Variants in GRID2 observed in about 807,000 individuals in gnomAD.
The protein encoded by GRID2 is glutamate receptor ionotropic, delta-2.
A neutral mutation model predicts 114.8 loss-of-function variants in GRID2; 33 were observed. The observed-to-expected ratio is 0.29, with a 90% CI of 0.22 to 0.38. The LOEUF (loss-of-function observed/expected upper bound fraction) is 0.38, where lower values mean the gene tolerates loss of function less well. GRID2 is among the 10% of genes least tolerant of loss of function. The probability of loss-of-function intolerance (pLI) is 1.00; values close to 1 mark genes in which losing one functional copy is unlikely to be tolerated. For missense variants in GRID2, 1,184 were observed against 1,257.7 expected (o/e 0.94, Z 0.89); for synonymous variants, 505 against 449.9 (o/e 1.12, Z -1.55).
chr4:92,759,773 T>C (rs1285253770), intron 2 of GRID2, among the ~76,000 whole-genome samples: 3 of 151,396 alleles, frequency 2.0e-5, no homozygotes, highest in South Asian at 2.1e-4. Context: ...CGGGCTTTTT[T>C]TTCTTCTTCT....
intron 14 of GRID2, among the ~76,000 whole-genome samples, chr4:93,661,142 C>A (rs568450862): frequency 6.6e-6 from 1 of 152,136 alleles, no homozygotes; most frequent in African/African-American, 2.4e-5. Context: ...TCATTATTCA[C>A]GATTCTGCAT....
At chr4:93,729,939 C>T (rs892515751) in intron 14 of GRID2, among the ~76,000 whole-genome samples, 1 of 152,150 alleles carries the variant, frequency 6.6e-6, no homozygotes, top group African/African-American at 2.4e-5. Context: ...AGCAGAGAGA[C>T]TGTGCTTTCT....
intron 1 of GRID2, among the ~76,000 whole-genome samples, chr4:92,477,653 A>G (rs1436880694): frequency 1.3e-5 from 2 of 151,080 alleles, no homozygotes; most frequent in African/African-American, 2.4e-5. Context: ...GTTTTAATAT[A>G]TATATATTTT....
chr4:93,103,333 TC>T (rs921580661), intron 3 of GRID2, among the ~76,000 whole-genome samples: 1 of 152,062 alleles, frequency 6.6e-6, no homozygotes, highest in Admixed American at 6.6e-5. Flanking sequence ...TGATAGCCTC[TC>T]TAGTCTCCAA....
intron 8 of GRID2, among the ~76,000 whole-genome samples, chr4:93,350,661 T>C (rs1480910611): frequency 1.3e-5 from 2 of 151,960 alleles, no homozygotes; most frequent in African/African-American, 4.8e-5. Context: ...TAACATATAA[T>C]TTAATTTTCA....
chr4:92,933,895 G>A (rs1750432236), intron 2 of GRID2, among the ~76,000 whole-genome samples: 1 of 151,564 alleles, frequency 6.6e-6, no homozygotes, highest in South Asian at 2.1e-4. Flanking sequence ...TTTGTAAAAG[G>A]GAGGAATATC....
At chr4:93,689,663 A>G (rs1339837989) in intron 14 of GRID2, among the ~76,000 whole-genome samples, 2 of 152,060 alleles carry the variant, frequency 1.3e-5, no homozygotes, top group African/African-American at 4.8e-5. Flanking sequence ...AGACTCAAGC[A>G]TTGGTAACAA....
chr4:92,470,332 CAG>C (rs1721973777), intron 1 of GRID2, among the ~76,000 whole-genome samples: 1 of 150,698 alleles, frequency 6.6e-6, no homozygotes, highest in Non-Finnish European at 1.5e-5. Flanking sequence ...ATAATATTGG[CAG>C]AGAGACACAA....
chr4:92,449,605 ATTC>A (rs925647237), intron 1 of GRID2, among the ~76,000 whole-genome samples: 3 of 133,518 alleles, frequency 2.2e-5, no homozygotes, highest in African/African-American at 2.5e-5. Flanking sequence ...ATTCATATTT[ATTC>A]TTAATTTTAC....
At chr4:93,256,335 T>A (rs1749582966) in intron 8 of GRID2, among the ~76,000 whole-genome samples, 1 of 152,056 alleles carries the variant, frequency 6.6e-6, no homozygotes, top group Admixed American at 6.6e-5. Flanking sequence ...GAGAGTGAAT[T>A]GTAATTTTGG....
intron 7 of GRID2, among the ~76,000 whole-genome samples, chr4:93,233,115 G>A (rs1024841050): frequency 3.3e-5 from 5 of 151,996 alleles, no homozygotes; most frequent in Admixed American, 3.3e-4. Context: ...AAGGAAGAAT[G>A]CCTCATGCAA....
At chr4:93,720,824 T>C (rs1160214299) in intron 14 of GRID2, among the ~76,000 whole-genome samples, 1 of 152,234 alleles carries the variant, frequency 6.6e-6, no homozygotes, top group Non-Finnish European at 1.5e-5. Context: ...ATGGGACTAA[T>C]AGATACCTTC....
chr4:93,602,253 G>A (rs977439661), intron 13 of GRID2, among the ~76,000 whole-genome samples: 15 of 152,208 alleles, frequency 9.9e-5, no homozygotes, highest in African/African-American at 3.4e-4. Context: ...TAACTCTTAT[G>A]TAGTTGCTCT....
intron 1 of GRID2, among the ~76,000 whole-genome samples, chr4:92,474,698 A>C (rs914530634): frequency 6.6e-6 from 1 of 151,880 alleles, no homozygotes; most frequent in African/African-American, 2.4e-5. Context: ...CCTTATTTAC[A>C]ATAGTGTGAA....
intron 2 of GRID2, among the ~76,000 whole-genome samples, chr4:93,040,169 A>G (rs572074992): frequency 2.6e-4 from 39 of 152,108 alleles, no homozygotes; most frequent in African/African-American, 9.2e-4. Flanking sequence ...TAAACACTCA[A>G]TTTCATTTAC....
intron 2 of GRID2, among the ~76,000 whole-genome samples, chr4:92,606,420 C>T (rs1006479838): frequency 5.3e-5 from 8 of 151,968 alleles, no homozygotes; most frequent in Non-Finnish European, 1.2e-4. Context: ...ACACTAGTTT[C>T]GCTTTAAGTC....
intron 1 of GRID2, among the ~76,000 whole-genome samples, chr4:92,542,027 TA>T (rs1228819435): frequency 7.9e-5 from 12 of 152,092 alleles, no homozygotes; most frequent in Non-Finnish European, 5.9e-5. Context: ...TTTTTTGCAA[TA>T]AGGTTCAAGA....
intron 3 of GRID2, among the ~76,000 whole-genome samples, chr4:93,093,156 C>A (rs1730924898): frequency 1.3e-5 from 2 of 151,976 alleles, no homozygotes; most frequent in African/African-American, 4.8e-5. Flanking sequence ...TGCTTGTTGG[C>A]CCCTGCACAT....
intron 7 of GRID2, among the ~76,000 whole-genome samples, chr4:93,228,481 G>A (rs938615648): frequency 9.9e-5 from 15 of 152,010 alleles, no homozygotes; most frequent in African/African-American, 3.6e-4. Context: ...GTTTTGGTGG[G>A]GATTTCAAAC....
Sources: gnomAD v4.1 joint callset for allele counts (sites outside exome capture counted in the v4.1 genomes callset) on GRCh38, gnomAD v4.1.1 for gene constraint, MANE v1.5 for transcripts, NCBI Gene and HGNC (gene_info 2026-07-23, HGNC 2026-07-21) for gene names.